ZBTB20: variants seen among roughly 807,000 people sequenced by gnomAD.
ZBTB20 encodes zinc finger and BTB domain containing 20.
Under a neutral mutation model 56.9 loss-of-function variants are expected in ZBTB20, and 9 were observed. That is an observed-to-expected ratio of 0.16 (90% confidence interval 0.10 to 0.28). ZBTB20 has a LOEUF of 0.28. Ranked by LOEUF, ZBTB20 falls within the 10% of genes least tolerant of loss-of-function variation. The pLI is 1.00. For missense variants in ZBTB20, 655 were observed against 1,003.0 expected (o/e 0.65, Z 4.69); for synonymous variants, 417 against 420.7 (o/e 0.99, Z 0.11).
intron 3 of ZBTB20, among the ~76,000 whole-genome samples, chr3:114,922,604 T>C (rs922158564): frequency 1.3e-5 from 2 of 152,204 alleles, no homozygotes; most frequent in Non-Finnish European, 2.9e-5. Flanking sequence ...CTGGGTAATT[T>C]ATAAAGAGAA....
intron 7 of ZBTB20, among the ~76,000 whole-genome samples, chr3:114,398,979 C>CT (rs1481602765): frequency 6.6e-6 from 1 of 152,112 alleles, no homozygotes; most frequent in African/African-American, 2.4e-5. Context: ...CCATAAAGCT[C>CT]TTTTATTGAC....
Position 114,321,238 on chromosome 3 carries a change from T to C in ZBTB20, c.*17767A>G, listed in dbSNP as rs1026598176. ...AAATATAATTCTGTTAGAGAGGACA[T>C]GGTGGTGAGATGGGAAAGAAAAGAG... is the stretch of plus-strand genomic sequence containing the variant. On this transcript the variant is annotated 3_prime_UTR_variant, in exon 12 of 12. Transcript: ENST00000675478. 6.6e-6 allele frequency: 1 copy of C among 152,212 alleles called. No individual in the cohort carries two copies. The highest frequency in any genetic ancestry group is 2.4e-5 in the African/African-American group (1 of 41,452). The allele number at this position is 152,212 out of a possible 1,614,324, so 9.4% of individuals were successfully genotyped here. A position where few individuals can be genotyped will look rare whatever the true frequency, so the allele number is the denominator to read the frequency against.
chr3:114,391,645 C>T (rs113592899), intron 7 of ZBTB20, among the ~76,000 whole-genome samples: 148 of 152,290 alleles, frequency 9.7e-4, no homozygotes, highest in Non-Finnish European at 5.7e-4. Context: ...ACTTCTTGCA[C>T]GTTAAGTTTG....
intron 6 of ZBTB20, among the ~76,000 whole-genome samples, chr3:114,603,975 A>C (rs1330444038): frequency 6.6e-6 from 1 of 152,042 alleles, no homozygotes; most frequent in Admixed American, 6.6e-5. Context: ...ACTCCTGTCG[A>C]GATCAATTTG....
At chr3:114,380,480 A>G in intron 9 of ZBTB20, 76 bp from the exon 10 acceptor site, 1 of 1,432,210 alleles carries the variant, frequency 7.0e-7, no homozygotes, top group Non-Finnish European at 9.1e-7. Flanking sequence ...TCTGTTAAAG[A>G]TAACTTGATT....
At chr3:114,986,602 T>C (rs1471099686) in intron 2 of ZBTB20, among the ~76,000 whole-genome samples, 1 of 152,152 alleles carries the variant, frequency 6.6e-6, no homozygotes, top group Non-Finnish European at 1.5e-5. Context: ...ATAACAATTC[T>C]TTCTCCCTCA....
At position 114,630,744 on chromosome 3, in the gene ZBTB20, C is replaced by A. The variant is rs142051608; in HGVS notation, c.-295+62784G>T. ...CTCTACTGACAAAGCACCCTCAAACCAGCTAGCAAAGAAAAAATATTTAAA... is the reference window on the plus strand; with the variant it reads ...CTCTACTGACAAAGCACCCTCAAACAAGCTAGCAAAGAAAAAATATTTAAA... On this transcript the variant is annotated intron_variant, in intron 6 of 11. Transcript: ENST00000675478. 3.3e-3 allele frequency among the ~76,000 whole-genome samples: 505 copies of A among 152,304 alleles called. 8 individuals carry two copies. Among genetic ancestry groups the A allele is most frequent in the East Asian group, 0.022 (115 of 5,186 alleles).
At chr3:114,923,512 T>C (rs937152521) in intron 3 of ZBTB20, among the ~76,000 whole-genome samples, 2 of 152,206 alleles carry the variant, frequency 1.3e-5, no homozygotes, top group African/African-American at 2.4e-5. Flanking sequence ...GGAAACTGGA[T>C]ACTCAAATGC....
chr3:115,057,242 T>A (rs556062316), intron 2 of ZBTB20, among the ~76,000 whole-genome samples: 1 of 152,132 alleles, frequency 6.6e-6, no homozygotes, highest in African/African-American at 2.4e-5. Context: ...GTATTTCTTT[T>A]CTGTCCCATG....
intron 4 of ZBTB20, among the ~76,000 whole-genome samples, chr3:114,869,395 G>A (rs35999150): frequency 0.15 from 22,051 of 151,962 alleles, 2,274 homozygotes; most frequent in Middle Eastern, 0.26. Flanking sequence ...GTCCACATTT[G>A]TTGCTTCTAT....
Position 114,589,592 on chromosome 3 carries a change from G to C in ZBTB20, c.-294-89201C>G, listed in dbSNP as rs570676816. 3.9e-5 allele frequency among the ~76,000 whole-genome samples: 6 copies of C among 152,248 alleles called. No individual in the cohort carries two copies. The South Asian group carries it at 1.0e-3, about 26-fold the overall frequency. On this transcript the variant is annotated intron_variant, in intron 6 of 11. Transcript: ENST00000675478. ...CAGGGACACTTTTGACAGTGAAAGG[G>C]CCTTATAAATAATTATACCAAGACT...
intron 7 of ZBTB20, among the ~76,000 whole-genome samples, chr3:114,469,688 T>A (rs1350197411): frequency 1.3e-5 from 2 of 152,190 alleles, no homozygotes; most frequent in African/African-American, 4.8e-5. Context: ...GGCCACAGAC[T>A]TTGACATCTG....
intron 4 of ZBTB20, among the ~76,000 whole-genome samples, chr3:114,883,783 A>G (rs2076486148): frequency 6.6e-6 from 1 of 152,036 alleles, no homozygotes; most frequent in Non-Finnish European, 1.5e-5. Flanking sequence ...GATACAGCAA[A>G]GTCTGCACTG....
chr3:114,602,990 G>A (rs2056876364), intron 6 of ZBTB20, among the ~76,000 whole-genome samples: 1 of 151,792 alleles, frequency 6.6e-6, no homozygotes, highest in Non-Finnish European at 1.5e-5. Flanking sequence ...TGACTCTAAG[G>A]GCCATCTATA....
At chr3:115,024,958 T>C (rs1041959881) in intron 2 of ZBTB20, among the ~76,000 whole-genome samples, 6 of 151,186 alleles carry the variant, frequency 4.0e-5, no homozygotes, top group African/African-American at 1.2e-4. Flanking sequence ...TAACTTTTAT[T>C]TTAAGTTCAG....
At chr3:115,051,511 T>C (rs1576654885) in intron 2 of ZBTB20, among the ~76,000 whole-genome samples, 1 of 152,172 alleles carries the variant, frequency 6.6e-6, no homozygotes, top group African/African-American at 2.4e-5. Context: ...AATGAATACA[T>C]AGGTATTCAT....
intron 1 of ZBTB20, among the ~76,000 whole-genome samples, chr3:115,094,030 CT>C (rs1460533395): frequency 6.6e-6 from 1 of 152,052 alleles, no homozygotes; most frequent in Non-Finnish European, 1.5e-5. Context: ...AGCTTTACCC[CT>C]GTACCCTCAG....
In ZBTB20 at chr3:114,550,082, T is replaced by C. The variant is rs374566603; in HGVS notation, c.-294-49691A>G. ...CCTCCTGAGCAGCTGGGACTACAGG[T>C]GCCCGCCACCATGCCTAGCTAATTT... On this transcript the variant is annotated intron_variant, in intron 6 of 11. Transcript: ENST00000675478. 5.6e-4 allele frequency among the ~76,000 whole-genome samples: 85 copies of C among 151,950 alleles called. No individual in the cohort carries two copies. The East Asian group carries it at 9.3e-3, about 17-fold the overall frequency.
At chr3:114,749,556 A>G (rs995799300) in intron 5 of ZBTB20, among the ~76,000 whole-genome samples, 71 of 132,344 alleles carry the variant, frequency 5.4e-4, no homozygotes, top group African/African-American at 1.9e-3. Context: ...CCATCAAAGA[A>G]AGAAAGAAAG....
Sources: gnomAD v4.1 joint callset for allele counts (sites outside exome capture counted in the v4.1 genomes callset) on GRCh38, gnomAD v4.1.1 for gene constraint, MANE v1.5 for transcripts, NCBI Gene and HGNC (gene_info 2026-07-23, HGNC 2026-07-21) for gene names.